Variants in CTNNA3 observed in about 807,000 individuals in gnomAD.
CTNNA3 encodes catenin alpha-3.
In CTNNA3, 76 loss-of-function variants were observed where a neutral mutation model predicts 95.7. The observed-to-expected ratio is 0.79, with a 90% CI of 0.66 to 0.96. The LOEUF is 0.96. CTNNA3 is among the 40% of genes least tolerant of loss of function. The pLI is 0.00. For synonymous variants in CTNNA3, 431 were observed against 374.4 expected (o/e 1.15, Z -1.74); for missense variants, 1,191 against 1,089.8 (o/e 1.09, Z -1.31).
At chr10:66,581,863 T>C (rs538543324) in intron 10 of CTNNA3, among the ~76,000 whole-genome samples, 5 of 151,888 alleles carry the variant, frequency 3.3e-5, no homozygotes, top group African/African-American at 1.2e-4. Flanking sequence ...GTCTTTCTTC[T>C]ACATGTGACT....
chr10:67,513,364 T>C (rs1564706037), intron 5 of CTNNA3, among the ~76,000 whole-genome samples: 1 of 152,196 alleles, frequency 6.6e-6, no homozygotes, highest in Non-Finnish European at 1.5e-5. Flanking sequence ...CTCATTTCAG[T>C]CCTTTGTTGT....
chr10:67,339,991 C>T (rs992349458), intron 5 of CTNNA3, among the ~76,000 whole-genome samples: 6 of 152,088 alleles, frequency 3.9e-5, no homozygotes, highest in African/African-American at 7.2e-5. Flanking sequence ...AAGATGTGTG[C>T]TTTCAGTTTT....
At chr10:67,145,682 G>C (rs1420782880) in intron 7 of CTNNA3, among the ~76,000 whole-genome samples, 6 of 151,968 alleles carry the variant, frequency 3.9e-5, no homozygotes, top group Non-Finnish European at 7.4e-5. Flanking sequence ...ACCTGCCTTG[G>C]CCTCCCAAAG....
chr10:66,911,063 C>A (rs1325023275), intron 7 of CTNNA3, among the ~76,000 whole-genome samples: 2 of 152,190 alleles, frequency 1.3e-5, no homozygotes, highest in Non-Finnish European at 2.9e-5. Flanking sequence ...TAACTTTCTA[C>A]TTAAAATATT....
intron 5 of CTNNA3, among the ~76,000 whole-genome samples, chr10:67,325,414 A>C (rs913222499): frequency 1.3e-5 from 2 of 152,006 alleles, no homozygotes; most frequent in African/African-American, 4.8e-5. Flanking sequence ...CTGTGTCTCA[A>C]AGATTCTGGT....
chr10:66,111,784 A>G (rs2082130382), intron 13 of CTNNA3, among the ~76,000 whole-genome samples: 1 of 152,174 alleles, frequency 6.6e-6, no homozygotes, highest in African/African-American at 2.4e-5. Flanking sequence ...ATCGCCAGAA[A>G]GCTGGTAGGC....
At chr10:66,765,117 C>T (rs1839788396) in intron 9 of CTNNA3, among the ~76,000 whole-genome samples, 1 of 152,146 alleles carries the variant, frequency 6.6e-6, no homozygotes, top group South Asian at 2.1e-4. Context: ...ATCATGTATT[C>T]ATCCACTCCT....
intron 7 of CTNNA3, among the ~76,000 whole-genome samples, chr10:66,881,932 A>G (rs1844866538): frequency 6.6e-6 from 1 of 152,080 alleles, no homozygotes; most frequent in Non-Finnish European, 1.5e-5. Context: ...TTTATACTAT[A>G]TCTTTATTTT....
chr10:67,186,346 T>C (rs756939990), intron 6 of CTNNA3, among the ~76,000 whole-genome samples: 14 of 152,216 alleles, frequency 9.2e-5, no homozygotes, highest in Non-Finnish European at 1.9e-4. Context: ...AAGTTCACTC[T>C]AGCTTCTGCT....
rs34336217 is a variant in CTNNA3 at position 67,229,775 on chromosome 10, G to T, written c.580-9905C>A. On this transcript the variant is annotated intron_variant, in intron 5 of 17. Coordinates refer to ENST00000433211, the MANE Select transcript of CTNNA3 (RefSeq NM_013266.4). ...TAGGAATATACCTAACAAAGGAGTCGAAAGACCTCTACAAGGAAAACTACA... is the reference window on the plus strand; with the variant it reads ...TAGGAATATACCTAACAAAGGAGTCTAAAGACCTCTACAAGGAAAACTACA... 2.3e-4 allele frequency among the ~76,000 whole-genome samples: 35 copies of T among 152,184 alleles called. No individual in the cohort carries two copies. In the South Asian group the frequency reaches 6.9e-3, roughly 30 times the overall value.
At chr10:67,527,980 T>G (rs1840201296) in intron 4 of CTNNA3, among the ~76,000 whole-genome samples, 1 of 152,228 alleles carries the variant, frequency 6.6e-6, no homozygotes, top group Non-Finnish European at 1.5e-5. Context: ...CTGCTCATTC[T>G]GCTCATTAAA....
intron 3 of CTNNA3, among the ~76,000 whole-genome samples, chr10:67,601,710 A>C (rs919018323): frequency 1.3e-5 from 2 of 152,250 alleles, no homozygotes; most frequent in African/African-American, 4.8e-5. Context: ...CTATTTAAAG[A>C]AAATGTCAAA....
intron 5 of CTNNA3, among the ~76,000 whole-genome samples, chr10:67,502,582 C>T (rs1253750360): frequency 2.0e-5 from 3 of 152,158 alleles, no homozygotes; most frequent in Non-Finnish European, 2.9e-5. Flanking sequence ...CACCCCTTCC[C>T]CCAGGTGCTC....
intron 9 of CTNNA3, among the ~76,000 whole-genome samples, chr10:66,633,802 G>A (rs907173234): frequency 3.9e-5 from 6 of 152,142 alleles, no homozygotes; most frequent in African/African-American, 1.2e-4. Flanking sequence ...TTGCTATGAA[G>A]AGAAGTATCC....
intron 1 of CTNNA3, chr10:67,750,741 G>T: frequency 1.3e-6 from 2 of 1,589,762 alleles, no homozygotes; most frequent in Non-Finnish European, 1.7e-6. Flanking sequence ...ATGAGGGGCT[G>T]GTGAAAGCCC....
intron 14 of CTNNA3, among the ~76,000 whole-genome samples, chr10:66,080,751 G>A (rs1403262462): frequency 6.6e-6 from 1 of 152,110 alleles, no homozygotes; most frequent in Non-Finnish European, 1.5e-5. Context: ...GCACTGGGGT[G>A]AGCTAGTAGA....
chr10:65,992,889 C>T (rs1204986046), intron 15 of CTNNA3, among the ~76,000 whole-genome samples: 1 of 151,920 alleles, frequency 6.6e-6, no homozygotes, highest in African/African-American at 2.4e-5. Context: ...TATGAACTTC[C>T]CTCTTAGCAC....
chr10:66,296,260 C>T (rs2091775231), intron 12 of CTNNA3, among the ~76,000 whole-genome samples: 1 of 152,088 alleles, frequency 6.6e-6, no homozygotes, highest in Non-Finnish European at 1.5e-5. Flanking sequence ...CAGAATATTT[C>T]ATGACTTTGA....
intron 5 of CTNNA3, among the ~76,000 whole-genome samples, chr10:67,286,342 G>C (rs1304997399): frequency 6.6e-6 from 1 of 152,170 alleles, no homozygotes; most frequent in African/African-American, 2.4e-5. Context: ...GTGAACATGT[G>C]CTTTAGAGCC....
Sources: gnomAD v4.1 joint callset for allele counts (sites outside exome capture counted in the v4.1 genomes callset) on GRCh38, gnomAD v4.1.1 for gene constraint, MANE v1.5 for transcripts, NCBI Gene and HGNC (gene_info 2026-07-23, HGNC 2026-07-21) for gene names.